PPP2R2B: variants seen among roughly 807,000 people sequenced by gnomAD.
PPP2R2B encodes protein phosphatase 2 regulatory subunit Bbeta, also known as serine/threonine-protein phosphatase 2A 55 kDa regulatory subunit B beta isoform.
A neutral mutation model predicts 46.0 loss-of-function variants in PPP2R2B; 5 were observed. The observed-to-expected ratio is 0.11, with a 90% CI of 0.06 to 0.23. The LOEUF is 0.23. Ranked by LOEUF, PPP2R2B falls within the 10% of genes least tolerant of loss-of-function variation. PPP2R2B has a pLI of 1.00. For missense variants in PPP2R2B, 367 were observed against 575.0 expected (o/e 0.64, Z 3.70); for synonymous variants, 215 against 206.7 (o/e 1.04, Z -0.34).
chr5:146,613,811 T>G (rs1252983540), intron 7 of PPP2R2B, among the ~76,000 whole-genome samples: 1 of 143,210 alleles, frequency 7.0e-6, no homozygotes, highest in African/African-American at 2.8e-5. Context: ...AAGGACCTCT[T>G]CAAGGAGAAC....
At chr5:146,986,642 A>G (rs558920003) in intron 1 of PPP2R2B, among the ~76,000 whole-genome samples, 5 of 152,366 alleles carry the variant, frequency 3.3e-5, no homozygotes, top group Admixed American at 2.6e-4. Flanking sequence ...GAGGGTCTCA[A>G]TAGCAGAACT....
intron 5 of PPP2R2B, among the ~76,000 whole-genome samples, chr5:146,667,326 GCGCGCGCACA>G (rs1238095639): frequency 2.6e-4 from 13 of 50,648 alleles, no homozygotes; most frequent in African/African-American, 4.7e-4. Flanking sequence ...GAATAGGCGT[GCGCGCGCACA>G]CACACACACA....
At chr5:146,740,271 T>C (rs1714614048) in intron 2 of PPP2R2B, among the ~76,000 whole-genome samples, 1 of 152,146 alleles carries the variant, frequency 6.6e-6, no homozygotes, top group African/African-American at 2.4e-5. Flanking sequence ...GGTGACAAGA[T>C]AATGTTTGCA....
At chr5:146,968,623 G>A (rs1752539812) in intron 1 of PPP2R2B, among the ~76,000 whole-genome samples, 1 of 152,098 alleles carries the variant, frequency 6.6e-6, no homozygotes, top group South Asian at 2.1e-4. Context: ...TTTTTGTGTT[G>A]TTCACAGATA....
chr5:146,728,949 G>GGTACCA (rs371687847), intron 2 of PPP2R2B, among the ~76,000 whole-genome samples: 201 of 152,236 alleles, frequency 1.3e-3, no homozygotes, highest in African/African-American at 4.5e-3. Context: ...TACCAGGAGT[G>GGTACCA]GGGTGTTGCT....
At chr5:146,919,115 G>T (rs760808349) in intron 1 of PPP2R2B, among the ~76,000 whole-genome samples, 2 of 152,144 alleles carry the variant, frequency 1.3e-5, no homozygotes, top group Non-Finnish European at 2.9e-5. Flanking sequence ...CTTGCCCAAA[G>T]ACATAATTAG....
intron 2 of PPP2R2B, among the ~76,000 whole-genome samples, chr5:146,750,425 T>C (rs1753485630): frequency 6.6e-6 from 1 of 152,238 alleles, no homozygotes; most frequent in Non-Finnish European, 1.5e-5. Context: ...ACAAGTCCTA[T>C]GCCTTTATAA....
In PPP2R2B at chr5:146,582,882, T is replaced by A. The variant is rs1255106960; in HGVS notation, c.*7065A>T. ...AAGTATTTGCGAAGTTTGGAAACCA[T>A]ATTTCCTCATTTTAGTGCCTCATAG... On this transcript the variant is annotated 3_prime_UTR_variant, in exon 10 of 10. Transcript: ENST00000394411. The A allele has an allele frequency of 6.6e-6, 1 of 152,234 alleles. No individual in the cohort carries two copies. Among genetic ancestry groups the A allele is most frequent in the African/African-American group, 2.4e-5 (1 of 41,460 alleles). The allele number at this position is 152,234 out of a possible 1,614,324, so 9.4% of individuals were successfully genotyped here.
intron 1 of PPP2R2B, among the ~76,000 whole-genome samples, chr5:147,009,930 C>A (rs571673688): frequency 1.9e-4 from 28 of 149,970 alleles, no homozygotes; most frequent in African/African-American, 6.4e-4. Context: ...ATAATTTAAG[C>A]ATTTTTTATA....
intron 1 of PPP2R2B, among the ~76,000 whole-genome samples, chr5:147,032,390 G>A (rs562801307): frequency 6.6e-6 from 1 of 152,280 alleles, no homozygotes; most frequent in South Asian, 2.1e-4. Context: ...ACAGAGGTGT[G>A]TCTATCTCGT....
intron 7 of PPP2R2B, among the ~76,000 whole-genome samples, chr5:146,614,255 A>G (rs1299084770): frequency 8.7e-6 from 1 of 115,072 alleles, no homozygotes; most frequent in Admixed American, 9.0e-5. Context: ...TGGGGAAAGG[A>G]TTCCCTATTT....
chr5:146,637,793 A>C (rs369757), intron 7 of PPP2R2B, among the ~76,000 whole-genome samples: 19,084 of 152,018 alleles, frequency 0.13, 2,291 homozygotes, highest in African/African-American at 0.3. Context: ...AAGTCCTGTT[A>C]ATTTTATTGC....
At chr5:146,696,485 A>G (rs948012165) in intron 4 of PPP2R2B, among the ~76,000 whole-genome samples, 1 of 152,120 alleles carries the variant, frequency 6.6e-6, no homozygotes, top group African/African-American at 2.4e-5. Flanking sequence ...ACAATCAGAC[A>G]TTTTTCCTCT....
intron 2 of PPP2R2B, among the ~76,000 whole-genome samples, chr5:146,767,900 C>T (rs1303457747): frequency 2.0e-5 from 3 of 152,140 alleles, no homozygotes; most frequent in Non-Finnish European, 4.4e-5. Context: ...TCACTCCTCC[C>T]TCTCCCCAAA....
chr5:146,747,608 A>G (rs1232825708), intron 2 of PPP2R2B, among the ~76,000 whole-genome samples: 4 of 152,216 alleles, frequency 2.6e-5, no homozygotes, highest in Admixed American at 2.6e-4. Context: ...ATAATTAAAA[A>G]CAAGCACTGC....
chr5:146,667,447 C>T (rs1777070949), intron 5 of PPP2R2B, among the ~76,000 whole-genome samples: 1 of 151,372 alleles, frequency 6.6e-6, no homozygotes, highest in South Asian at 2.1e-4. Context: ...AAATAAGACT[C>T]TATAGAATAA....
At chr5:146,590,808 A>AAACTT (rs910222246) in intron 9 of PPP2R2B, among the ~76,000 whole-genome samples, 8 of 152,118 alleles carry the variant, frequency 5.3e-5, no homozygotes, top group African/African-American at 1.9e-4. Context: ...CCTTTTTAGA[A>AAACTT]AACTTATCTA....
chr5:146,984,163 G>A (rs1170504040), intron 1 of PPP2R2B, among the ~76,000 whole-genome samples: 2 of 152,124 alleles, frequency 1.3e-5, no homozygotes, highest in African/African-American at 2.4e-5. Flanking sequence ...AACATGCAGT[G>A]CAATAGATCT....
At chr5:147,018,969 G>C (rs959807175) in intron 1 of PPP2R2B, among the ~76,000 whole-genome samples, 2 of 152,188 alleles carry the variant, frequency 1.3e-5, no homozygotes, top group Non-Finnish European at 2.9e-5. Context: ...CTGAGTTCTT[G>C]CTTTGTATAG....
Sources: gnomAD v4.1 joint callset for allele counts (sites outside exome capture counted in the v4.1 genomes callset) on GRCh38, gnomAD v4.1.1 for gene constraint, MANE v1.5 for transcripts, NCBI Gene and HGNC (gene_info 2026-07-23, HGNC 2026-07-21) for gene names.